Variants in DNER observed in about 807,000 individuals in gnomAD.
The protein encoded by DNER is delta/notch like EGF repeat containing.
Under a neutral mutation model 78.2 loss-of-function variants are expected in DNER, and 33 were observed. The ratio of observed to expected loss-of-function variants is 0.42; its 90% CI spans 0.32 to 0.56. DNER has a LOEUF of 0.56. Among genes scored for constraint, DNER ranks in the 20% least tolerant of loss-of-function variants. DNER has a pLI of 0.11. For missense variants in DNER, 918 were observed against 975.3 expected (o/e 0.94, Z 0.78); for synonymous variants, 417 against 384.8 (o/e 1.08, Z -0.98).
intron 4 of DNER, among the ~76,000 whole-genome samples, chr2:229,550,015 CAA>C (rs886145700): frequency 1.3e-4 from 19 of 151,680 alleles, no homozygotes; most frequent in African/African-American, 4.6e-4. Flanking sequence ...TCTTTTGAGA[CAA>C]AGTCTCACTC....
At chr2:229,517,202 A>G (rs1695997299) in intron 5 of DNER, among the ~76,000 whole-genome samples, 1 of 152,158 alleles carries the variant, frequency 6.6e-6, no homozygotes, top group Admixed American at 6.5e-5. Context: ...TGTCCTTTCA[A>G]CCAATGTGTA....
intron 5 of DNER, among the ~76,000 whole-genome samples, chr2:229,521,489 G>T (rs1273578991): frequency 6.6e-6 from 1 of 152,162 alleles, no homozygotes; most frequent in African/African-American, 2.4e-5. Context: ...AGTCATTTAG[G>T]TCTGAAATTA....
chr2:229,656,032 C>T (rs1159085727), intron 1 of DNER, among the ~76,000 whole-genome samples: 1 of 152,168 alleles, frequency 6.6e-6, no homozygotes, highest in Non-Finnish European at 1.5e-5. Context: ...GCCCCACCCA[C>T]ACCTTGATGC....
intron 3 of DNER, chr2:229,586,574 A>C (rs1349940199): frequency 1.4e-6 from 1 of 720,886 alleles, no homozygotes; most frequent in Non-Finnish European, 1.7e-6. Context: ...CCCACAGAGA[A>C]TAGGATGTCA....
chr2:229,501,286 T>G (rs1350768287), intron 6 of DNER, among the ~76,000 whole-genome samples: 4 of 151,162 alleles, frequency 2.6e-5, no homozygotes, highest in Non-Finnish European at 5.9e-5. Flanking sequence ...GCTAAGAAAG[T>G]GGATTTTAAG....
intron 6 of DNER, among the ~76,000 whole-genome samples, chr2:229,507,877 G>C (rs977282686): frequency 2.0e-5 from 3 of 152,156 alleles, no homozygotes; most frequent in African/African-American, 7.2e-5. Context: ...GTATTAACCA[G>C]AAAAGTAAAG....
chr2:229,603,127 AT>A (rs1197950791), intron 1 of DNER, among the ~76,000 whole-genome samples: 1 of 152,232 alleles, frequency 6.6e-6, no homozygotes, highest in Non-Finnish European at 1.5e-5. Context: ...TGAGAAAAAA[AT>A]GAAGACTTTT....
chr2:229,468,938 C>T (rs1295819264), intron 7 of DNER, among the ~76,000 whole-genome samples: 2 of 152,104 alleles, frequency 1.3e-5, no homozygotes, highest in Admixed American at 6.5e-5. Context: ...CTGGAAGTAA[C>T]CAGATGAGAT....
intron 1 of DNER, among the ~76,000 whole-genome samples, chr2:229,668,090 G>A (rs1699125476): frequency 6.6e-6 from 1 of 152,236 alleles, no homozygotes; most frequent in South Asian, 2.1e-4. Flanking sequence ...AAGCATTATA[G>A]AGATTGAGAA....
At chr2:229,411,611 T>A (rs1693522500) in intron 9 of DNER, among the ~76,000 whole-genome samples, 1 of 152,078 alleles carries the variant, frequency 6.6e-6, no homozygotes, top group South Asian at 2.1e-4. Flanking sequence ...TCCAGTGATC[T>A]CATTTCTGAG....
intron 8 of DNER, among the ~76,000 whole-genome samples, chr2:229,419,167 C>A (rs1250320185): frequency 6.6e-6 from 1 of 151,868 alleles, no homozygotes; most frequent in Non-Finnish European, 1.5e-5. Flanking sequence ...AGAAAATAAA[C>A]CCACAATTTC....
At chr2:229,493,251 C>T (rs546816491) in intron 6 of DNER, among the ~76,000 whole-genome samples, 6 of 152,272 alleles carry the variant, frequency 3.9e-5, no homozygotes, top group African/African-American at 1.4e-4. Flanking sequence ...CAATGTAGTG[C>T]TTTGAAGTTG....
intron 11 of DNER, among the ~76,000 whole-genome samples, chr2:229,377,692 G>C (rs990330954): frequency 6.6e-6 from 1 of 152,098 alleles, no homozygotes; most frequent in South Asian, 2.1e-4. Flanking sequence ...TCTTATTACT[G>C]ACTGGCGGCC....
chr2:229,417,584 G>A (rs753047539), intron 9 of DNER, among the ~76,000 whole-genome samples: 3 of 152,040 alleles, frequency 2.0e-5, no homozygotes, highest in African/African-American at 4.8e-5. Flanking sequence ...TAGGGTTCTC[G>A]GGGGGATTTA....
intron 7 of DNER, among the ~76,000 whole-genome samples, chr2:229,452,536 T>C (rs1694482620): frequency 6.6e-6 from 1 of 152,186 alleles, no homozygotes; most frequent in Non-Finnish European, 1.5e-5. Flanking sequence ...ATTTGAAACA[T>C]GGGGCCAGGT....
chr2:229,459,181 TC>T (rs1694638976), intron 7 of DNER, among the ~76,000 whole-genome samples: 2 of 152,238 alleles, frequency 1.3e-5, no homozygotes, highest in African/African-American at 2.4e-5. Context: ...ATATTTAAGT[TC>T]TATTCAAATT....
intron 6 of DNER, among the ~76,000 whole-genome samples, chr2:229,482,281 G>A (rs886064418): frequency 1.4e-4 from 22 of 152,266 alleles, no homozygotes; most frequent in South Asian, 2.1e-4. Context: ...AGCAATGGTC[G>A]CCCAGCCCCT....
intron 1 of DNER, among the ~76,000 whole-genome samples, chr2:229,632,763 GC>G (rs1350246402): frequency 6.6e-6 from 1 of 152,098 alleles, no homozygotes; most frequent in East Asian, 1.9e-4. Context: ...ACTAGTATTT[GC>G]CACAAAGTGT....
At chr2:229,488,642 T>C (rs1465131071) in intron 6 of DNER, among the ~76,000 whole-genome samples, 1 of 152,234 alleles carries the variant, frequency 6.6e-6, no homozygotes, top group Non-Finnish European at 1.5e-5. Flanking sequence ...CTCTCTTTCC[T>C]CATATGTGTT....
Sources: allele counts gnomAD v4.1 joint callset (sites outside exome capture counted in the v4.1 genomes callset), GRCh38; gene constraint gnomAD v4.1.1; transcripts MANE v1.5; gene names NCBI Gene and HGNC (gene_info 2026-07-23, HGNC 2026-07-21).